The following CEP85 variants were observed in gnomAD, a reference collection of about 807,000 sequenced individuals.
The protein encoded by CEP85 is centrosomal protein 85.
A neutral mutation model predicts 93.7 loss-of-function variants in CEP85; 58 were observed. That is an observed-to-expected ratio of 0.62 (90% CI 0.50 to 0.77). The LOEUF (loss-of-function observed/expected upper bound fraction) is 0.77. Among genes scored for constraint, CEP85 ranks in the 30% least tolerant of loss-of-function variants. The pLI is 0.00. For missense variants in CEP85, 868 were observed against 922.0 expected (o/e 0.94, Z 0.76); for synonymous variants, 314 against 338.6 (o/e 0.93, Z 0.80).
In CEP85 at chr1:26,250,925, C is replaced by CTTTTT. The variant is rs71581048; in HGVS notation, c.209-4244_209-4240dup. Among the ~76,000 whole-genome samples, 78 of 55,128 alleles carry CTTTTT rather than the reference C, an allele frequency of 1.4e-3. 8 individuals carry two copies. Among genetic ancestry groups the CTTTTT allele is most frequent in the East Asian group, 7.0e-3 (12 of 1,712 alleles). 36.2% of individuals were successfully genotyped at this position (55,128 alleles called of 152,430 possible). On this transcript the variant is annotated intron_variant, in intron 3 of 13. Coordinates refer to ENST00000451429, the MANE Select transcript of CEP85 (RefSeq NM_001319944.2). ...TGAGCCAAGCTTGCCTTTTTTTTTT[C>CTTTTT]TTTTTTCTTTTTTTTTTTTTTTTTT...
intron 13 of CEP85, 36 bp from the exon 14 acceptor site, chr1:26,277,100 A>G (rs2090064660): frequency 6.2e-7 from 1 of 1,601,584 alleles, no homozygotes; most frequent in African/African-American, 1.3e-5. Flanking sequence ...ATGTCTCATA[A>G]CTAACATTCT....
In CEP85 at chr1:26,255,579, G is replaced by T. The variant is rs751114445; in HGVS notation, c.617G>T (p.Arg206Leu). 1.2e-6 allele frequency: 2 copies of T among 1,614,118 alleles called. No individual in the cohort carries two copies. Among genetic ancestry groups the T allele is most frequent in the Admixed American group, 1.7e-5 (1 of 60,002 alleles). Reference protein sequence around the residue: ...TLYSDPHHRVRFHNPRTSTSK... With the variant: ...TLYSDPHHRVLFHNPRTSTSK... ...TATTCAGATCCTCACCACCGAGTCC[G>T]CTTCCACAACCCAAGAACCAGCACA... is the stretch of plus-strand genomic sequence containing the variant. Residue 206 changes from arginine (R) to leucine (L), a missense_variant, in exon 4 of 14, where the codon CGC becomes CTC. Coordinates refer to ENST00000451429, the MANE Select transcript of CEP85 (RefSeq NM_001319944.2).
intron 10 of CEP85, 129 bp from the exon 11 acceptor site, chr1:26,271,892 T>TA (rs1404621971): frequency 4.0e-6 from 3 of 750,722 alleles, no homozygotes; most frequent in Non-Finnish European, 7.0e-6. Context: ...TAGAGTTCAC[T>TA]AATCTTTATC....
intron 10 of CEP85, 84 bp from the exon 11 acceptor site, chr1:26,271,937 A>G (rs1290387925): frequency 8.7e-6 from 10 of 1,146,966 alleles, no homozygotes; most frequent in Middle Eastern, 3.9e-4. Flanking sequence ...TAGCCAGACC[A>G]CATGTCCTAG....
At chr1:26,239,882 C>G in intron 2 of CEP85, 44 bp downstream of exon 2, 13 of 1,427,272 alleles carry the variant, frequency 9.1e-6, no homozygotes, top group Non-Finnish European at 1.2e-5. Context: ...GACCTTTGTT[C>G]TGTTTTTTCA....
chr1:26,238,565 A>G (rs1569953282), intron 1 of CEP85, among the ~76,000 whole-genome samples: 1 of 152,150 alleles, frequency 6.6e-6, no homozygotes, highest in Non-Finnish European at 1.5e-5. Context: ...TTGATCTTCC[A>G]TGGGCTGTAC....
chr1:26,247,283 G>T (rs935055406), intron 3 of CEP85, among the ~76,000 whole-genome samples: 1 of 152,278 alleles, frequency 6.6e-6, no homozygotes. Flanking sequence ...ATTGATTGTA[G>T]TGATTATGCA....
intron 1 of CEP85, among the ~76,000 whole-genome samples, chr1:26,236,703 G>A (rs1198603112): frequency 6.6e-6 from 1 of 152,200 alleles, no homozygotes; most frequent in African/African-American, 2.4e-5. Flanking sequence ...TGGGTGACCA[G>A]TGGCCCCTGA....
At chr1:26,255,149 TG>T in intron 3 of CEP85, 21 bp from the exon 4 acceptor site, 1 of 1,596,106 alleles carries the variant, frequency 6.3e-7, no homozygotes, top group Non-Finnish European at 8.6e-7. Context: ...TTTTTACTTA[TG>T]GAAGACTATT....
rs12059260 is a variant in CEP85 at position 26,268,431 on chromosome 1, A to C, written c.1342-52A>C. ...TGAGATCACAGCACTGCACTCCAGC[A>C]GGGTCATAGTGGAGTGAATGGTGGA... On this transcript the variant is annotated intron_variant, in intron 7 of 13. Transcript: ENST00000451429. 708 of 1,608,226 alleles carry C rather than the reference A, an allele frequency of 4.4e-4. 5 individuals carry two copies. In the African/African-American group the frequency reaches 8.2e-3, roughly 19 times the overall value.
chr1:26,273,343 G>A (rs117048858), intron 11 of CEP85, among the ~76,000 whole-genome samples: 1 of 152,294 alleles, frequency 6.6e-6, no homozygotes, highest in East Asian at 1.9e-4. Context: ...GAGGGAATAA[G>A]TGGAGGCTGC....
Position 26,269,600 on chromosome 1 carries a change from C to T in CEP85, c.1635C>T (p.Ser545=). 2 of 1,613,374 alleles carry T rather than the reference C, an allele frequency of 1.2e-6. No homozygotes were observed. Among genetic ancestry groups the T allele is most frequent in the South Asian group, 1.1e-5 (1 of 90,948 alleles). ...TGAGGCAGAGAGAAGCAGAATTCTC[C>T]TCCGCTGGACATAGGTAAATAACCC... ...ESLRQREAEF[S]SAGHSLQDKQ... is the part of the protein sequence containing the mutation. The change falls in exon 9 of 14, where the codon TCC becomes TCT. Residue 545 remains serine (S), a synonymous_variant. Transcript: ENST00000451429.
chr1:26,270,068 G>A (rs981556343), intron 9 of CEP85, among the ~76,000 whole-genome samples: 10 of 152,030 alleles, frequency 6.6e-5, no homozygotes, highest in African/African-American at 1.7e-4. Context: ...GAGCCACCGC[G>A]CCCGGCCAGG....
chr1:26,256,922 T>TGGG (rs1165031779), intron 4 of CEP85, among the ~76,000 whole-genome samples: 40 of 126,056 alleles, frequency 3.2e-4, no homozygotes, highest in Non-Finnish European at 5.1e-4. Context: ...TGTTTTGTTT[T>TGGG]GTTTTGGTGT....
intron 7 of CEP85, among the ~76,000 whole-genome samples, chr1:26,263,593 A>G (rs1269841273): frequency 6.6e-6 from 1 of 151,932 alleles, no homozygotes; most frequent in Non-Finnish European, 1.5e-5. Flanking sequence ...TGGGAGAATC[A>G]CTCACTGGAG....
intron 3 of CEP85, among the ~76,000 whole-genome samples, chr1:26,245,592 T>C (rs1450722651): frequency 6.6e-6 from 1 of 152,182 alleles, no homozygotes; most frequent in Non-Finnish European, 1.5e-5. Flanking sequence ...GGCATTTTGT[T>C]TTTCCGTTTA....
chr1:26,247,058 A>C (rs920070879), intron 3 of CEP85, among the ~76,000 whole-genome samples: 3 of 152,156 alleles, frequency 2.0e-5, no homozygotes, highest in African/African-American at 7.2e-5. Context: ...TTAAATTCTC[A>C]CAGGAGCAGG....
chr1:26,268,105 T>C (rs2089918572), intron 7 of CEP85, among the ~76,000 whole-genome samples: 2 of 152,260 alleles, frequency 1.3e-5, no homozygotes, highest in Non-Finnish European at 2.9e-5. Flanking sequence ...CAAAATTTGT[T>C]TAGCTTCCTA....
intron 12 of CEP85, among the ~76,000 whole-genome samples, chr1:26,275,972 G>A (rs2124617522): frequency 6.6e-6 from 1 of 152,312 alleles, no homozygotes; most frequent in East Asian, 1.9e-4. Flanking sequence ...GTTTGAAAAG[G>A]CAGGACTTGT....
Sources: gnomAD v4.1 joint callset for allele counts (sites outside exome capture counted in the v4.1 genomes callset) on GRCh38, gnomAD v4.1.1 for gene constraint, MANE v1.5 for transcripts, NCBI Gene and HGNC (gene_info 2026-07-23, HGNC 2026-07-21) for gene names.